Variants in C12orf56 observed in about 807,000 individuals in gnomAD.
C12orf56 encodes uncharacterized protein C12orf56.
C12orf56 carries 71 observed loss-of-function variants against 69.9 expected under a neutral mutation model. That is an observed-to-expected ratio of 1.02 (90% CI 0.84 to 1.24). The LOEUF is 1.24. Among genes scored for constraint, C12orf56 ranks in the 50% most tolerant of loss-of-function variants. The pLI is 0.00. For synonymous variants in C12orf56, 276 were observed against 274.1 expected (o/e 1.01, Z -0.07); for missense variants, 732 against 738.5 (o/e 0.99, Z 0.10).
At chr12:64,281,090 A>G (rs2038118892) in intron 8 of C12orf56, among the ~76,000 whole-genome samples, 1 of 151,868 alleles carries the variant, frequency 6.6e-6, no homozygotes, top group Non-Finnish European at 1.5e-5. Context: ...CCTGACTAAC[A>G]TGGTGAAACC....
rs970401414 is a variant in C12orf56 at position 64,265,819 on chromosome 12, C to T, written c.*1364G>A. 2 of 152,130 alleles carry T rather than the reference C, an allele frequency of 1.3e-5. No individual in the cohort carries two copies. The highest frequency in any genetic ancestry group is 2.9e-5 in the Non-Finnish European group (2 of 68,034). 9.4% of individuals were successfully genotyped at this position (152,130 alleles called of 1,614,324 possible). On this transcript the variant is annotated 3_prime_UTR_variant, in exon 13 of 13. Coordinates refer to ENST00000543942, the MANE Select transcript of C12orf56 (RefSeq NM_001170633.2). ...CCAAATTCAACACCTCACGGTGATGCCAAAGTTAAGTATTTGTGGAATTAA... is the reference window on the plus strand; with the variant it reads ...CCAAATTCAACACCTCACGGTGATGTCAAAGTTAAGTATTTGTGGAATTAA...
intron 1 of C12orf56, among the ~76,000 whole-genome samples, chr12:64,375,167 C>T (rs2039624810): frequency 6.6e-6 from 1 of 151,998 alleles, no homozygotes; most frequent in Non-Finnish European, 1.5e-5. Context: ...AAGCAATTCT[C>T]CTGCCTCAGC....
At chr12:64,273,419 TGAG>T (rs549480131) in intron 11 of C12orf56, among the ~76,000 whole-genome samples, 124 of 152,302 alleles carry the variant, frequency 8.1e-4, no homozygotes, top group Non-Finnish European at 1.5e-3. Context: ...TGCATAAGTT[TGAG>T]GAGGTGGGAA....
intron 1 of C12orf56, among the ~76,000 whole-genome samples, chr12:64,387,073 A>G (rs2039801916): frequency 3.5e-5 from 4 of 114,348 alleles, no homozygotes; most frequent in Admixed American, 9.8e-5. Flanking sequence ...GCGAGACTCT[A>G]TCTCAAAAAA....
In C12orf56 at chr12:64,376,898, G is replaced by A. The variant is rs565765411; in HGVS notation, c.252+13416C>T. Reference sequence around the variant, plus strand: ...TCTGTTGTCCTGGCTGGAGTGCAGCGGCCAGGTAGTTCTGCCTCTAGGTCT... The same window carrying A: ...TCTGTTGTCCTGGCTGGAGTGCAGCAGCCAGGTAGTTCTGCCTCTAGGTCT... On this transcript the variant is annotated intron_variant, in intron 1 of 12. Coordinates refer to ENST00000543942, the MANE Select transcript of C12orf56 (RefSeq NM_001170633.2). Among the ~76,000 whole-genome samples the A allele has an allele frequency of 3.0e-4, 45 of 151,640 alleles. 1 individual carries two copies. The South Asian group carries it at 7.9e-3, about 27-fold the overall frequency.
At chr12:64,275,207 A>G (rs142173679) in intron 10 of C12orf56, 91 bp downstream of exon 10, 41 of 732,104 alleles carry the variant, frequency 5.6e-5, no homozygotes, top group Non-Finnish European at 8.3e-5. Context: ...ATATAACATA[A>G]TCACATAATA....
chr12:64,381,639 T>C (rs890562122), intron 1 of C12orf56, among the ~76,000 whole-genome samples: 5 of 152,176 alleles, frequency 3.3e-5, no homozygotes, highest in African/African-American at 1.2e-4. Flanking sequence ...TTTCACTGTC[T>C]CAGTTATAAT....
intron 1 of C12orf56, among the ~76,000 whole-genome samples, chr12:64,372,591 T>C (rs1188943554): frequency 6.6e-6 from 1 of 152,224 alleles, no homozygotes. Flanking sequence ...CTTGGCTCAC[T>C]GCAACCACTG....
intron 1 of C12orf56, among the ~76,000 whole-genome samples, chr12:64,381,309 T>C (rs1294803080): frequency 6.6e-6 from 1 of 152,188 alleles, no homozygotes; most frequent in Admixed American, 6.5e-5. Flanking sequence ...CTGCAAAATA[T>C]CTCAAGCACT....
At chr12:64,318,455 A>G in intron 4 of C12orf56, 120 bp downstream of exon 4, 2 of 842,246 alleles carry the variant, frequency 2.4e-6, no homozygotes, top group Non-Finnish European at 3.6e-6. Context: ...TTTTCACAAT[A>G]TTATTAAATT....
chr12:64,350,093 GAAA>G (rs200890156), intron 2 of C12orf56, among the ~76,000 whole-genome samples: 45 of 119,536 alleles, frequency 3.8e-4, no homozygotes, highest in East Asian at 9.5e-4. Context: ...CTCAGTCTCA[GAAA>G]AAAAAAAAAA....
chr12:64,371,856 G>T (rs1592498108), intron 1 of C12orf56, among the ~76,000 whole-genome samples: 1 of 148,094 alleles, frequency 6.8e-6, no homozygotes, highest in South Asian at 2.2e-4. Flanking sequence ...ATAATAAAAA[G>T]AAAATACAGG....
chr12:64,326,730 ACT>A, intron 3 of C12orf56, among the ~76,000 whole-genome samples: 1 of 88,584 alleles, frequency 1.1e-5, no homozygotes, highest in South Asian at 5.4e-4. Context: ...ACGGAGCTAG[ACT>A]CTGTCTCAAA....
In C12orf56 at chr12:64,366,285, T is replaced by C. The variant is rs180919634; in HGVS notation, c.253-13229A>G. Among the ~76,000 whole-genome samples the C allele has an allele frequency of 7.2e-3, 589 of 81,982 alleles. 24 individuals carry two copies. The highest frequency in any genetic ancestry group is 0.023 in the African/African-American group (394 of 17,420). 53.8% of individuals were successfully genotyped at this position (81,982 alleles called of 152,430 possible). A position where few individuals can be genotyped will look rare whatever the true frequency, so the allele number is the denominator to read the frequency against. ...TATACAGTTTATATATTATATATAA[T>C]ATACAGTTTATATATTATATATTAT... On this transcript the variant is annotated intron_variant, in intron 1 of 12. Transcript: ENST00000543942.
At chr12:64,328,691 AAAAAAAAAAAAAAAAATATATATATATAT>A (rs1211068784) in intron 3 of C12orf56, among the ~76,000 whole-genome samples, 1 of 18,818 alleles carries the variant, frequency 5.3e-5, no homozygotes, top group African/African-American at 1.6e-4. Flanking sequence ...AAAAAAAAAA[AAAAAAAAAAAAAAAAATATATATATATAT>A]ATATATATAT....
chr12:64,271,774 C>T (rs776102442), intron 11 of C12orf56, among the ~76,000 whole-genome samples: 1 of 152,144 alleles, frequency 6.6e-6, no homozygotes, highest in Admixed American at 6.5e-5. Context: ...TAGAACAGAA[C>T]AATGTTAATT....
At chr12:64,306,677 G>T (rs1047811586) in intron 5 of C12orf56, among the ~76,000 whole-genome samples, 1 of 152,118 alleles carries the variant, frequency 6.6e-6, no homozygotes, top group South Asian at 2.1e-4. Context: ...CCGCAGGAAA[G>T]ATTCTTAATC....
intron 3 of C12orf56, among the ~76,000 whole-genome samples, chr12:64,326,585 A>C (rs1468610398): frequency 2.6e-5 from 4 of 152,010 alleles, no homozygotes; most frequent in Non-Finnish European, 4.4e-5. Context: ...AAATACAAAA[A>C]AATTAGCTGG....
At chr12:64,378,779 G>A (rs1000012059) in intron 1 of C12orf56, among the ~76,000 whole-genome samples, 2 of 152,042 alleles carry the variant, frequency 1.3e-5, no homozygotes, top group African/African-American at 4.8e-5. Flanking sequence ...GGCTGGGCAT[G>A]GTGGCTCACG....
Sources: allele counts gnomAD v4.1 joint callset (sites outside exome capture counted in the v4.1 genomes callset), GRCh38; gene constraint gnomAD v4.1.1; transcripts MANE v1.5; gene names NCBI Gene and HGNC (gene_info 2026-07-23, HGNC 2026-07-21).